The following METTL15 variants were observed in gnomAD, a reference collection of about 807,000 sequenced individuals.
METTL15 encodes methyltransferase 15, mitochondrial 12S rRNA N4-cytidine, also known as 12S rRNA N(4)-cytidine methyltransferase METTL15.
In METTL15, 34 loss-of-function variants were observed where a neutral mutation model predicts 38.3. That is an observed-to-expected ratio of 0.89 (90% CI 0.68 to 1.18). METTL15 has a LOEUF of 1.18. Ranked by LOEUF, METTL15 falls within the 50% of genes most tolerant of loss-of-function variation. The probability of loss-of-function intolerance (pLI) is 0.00; values close to 1 mark genes in which losing one functional copy is unlikely to be tolerated. For synonymous variants in METTL15, 162 were observed against 170.9 expected (o/e 0.95, Z 0.41); for missense variants, 438 against 498.4 (o/e 0.88, Z 1.15).
At chr11:28,361,087 C>T (rs1003591996) in intron 4 of METTL15, among the ~76,000 whole-genome samples, 2 of 151,542 alleles carry the variant, frequency 1.3e-5, no homozygotes, top group African/African-American at 4.9e-5. Flanking sequence ...GGTTCCAAGT[C>T]TTTGCTGTTG....
At chr11:28,461,477 A>C (rs1328834294) in intron 6 of METTL15, among the ~76,000 whole-genome samples, 1 of 151,956 alleles carries the variant, frequency 6.6e-6, no homozygotes, top group East Asian at 1.9e-4. Context: ...CTTCTTCCAC[A>C]TGGTCTCAAG....
chr11:28,316,956 G>A (rs902475218), intron 6 of METTL15, among the ~76,000 whole-genome samples: 46 of 152,118 alleles, frequency 3.0e-4, no homozygotes, highest in Admixed American at 2.6e-3. Context: ...ACTCGGGTAC[G>A]TCTTTATCAG....
intron 3 of METTL15, among the ~76,000 whole-genome samples, chr11:28,131,724 G>C (rs1353247030): frequency 6.6e-6 from 1 of 152,054 alleles, no homozygotes; most frequent in African/African-American, 2.4e-5. Flanking sequence ...TGTTCAAATT[G>C]ATAAAGTTTT....
intron 5 of METTL15, among the ~76,000 whole-genome samples, chr11:28,413,592 TC>T (rs1487466380): frequency 6.6e-6 from 1 of 152,164 alleles, no homozygotes; most frequent in Non-Finnish European, 1.5e-5. Flanking sequence ...CTGCCCCTTT[TC>T]TTCTGACTCT....
rs368246184 is a variant in METTL15, at chr11:28,211,307, TA to T, written c.407+112del. 277 of 965,580 alleles carry T rather than the reference TA, an allele frequency of 2.9e-4. 2 individuals are homozygous for T. The African/African-American group carries it at 4.4e-3, about 15-fold the overall frequency. 59.8% of individuals were successfully genotyped at this position (965,580 alleles called of 1,614,324 possible). A position where few individuals can be genotyped will look rare whatever the true frequency, so the allele number is the denominator to read the frequency against. On this transcript the variant is annotated intron_variant, in intron 4 of 6. Coordinates refer to ENST00000407364, the MANE Select transcript of METTL15 (RefSeq NM_001113528.2). Reference sequence around the variant, plus strand: ...TTGCATGGGCTATATTTTACTCCAGTAAATATTTTCTTCTTTTTTCCCCAAA... The same window carrying T: ...TTGCATGGGCTATATTTTACTCCAGTAATATTTTCTTCTTTTTTCCCCAAA...
At chr11:28,175,892 A>T (rs1179999525) in intron 3 of METTL15, among the ~76,000 whole-genome samples, 3 of 151,928 alleles carry the variant, frequency 2.0e-5, no homozygotes, top group Non-Finnish European at 4.4e-5. Flanking sequence ...GGTGTAAGAG[A>T]TAGAAAATAA....
intron 5 of METTL15, among the ~76,000 whole-genome samples, chr11:28,377,807 T>TTCA (rs1850334379): frequency 8.4e-6 from 1 of 118,982 alleles, no homozygotes; most frequent in Admixed American, 9.7e-5. Context: ...CTTTTGGTCT[T>TTCA]TGATGATGAA....
intron 4 of METTL15, among the ~76,000 whole-genome samples, chr11:28,242,163 G>A (rs1189563500): frequency 6.6e-6 from 1 of 152,122 alleles, no homozygotes; most frequent in Non-Finnish European, 1.5e-5. Context: ...TTGTATAGAA[G>A]AAGTATACAT....
chr11:28,354,513 T>C (rs530680216), intron 4 of METTL15, among the ~76,000 whole-genome samples: 2 of 152,346 alleles, frequency 1.3e-5, no homozygotes, highest in African/African-American at 4.8e-5. Context: ...GATTCTATTC[T>C]GTTATTAGTC....
At chr11:28,517,657 C>G (rs1158222424) in intron 6 of METTL15, among the ~76,000 whole-genome samples, 1 of 152,194 alleles carries the variant, frequency 6.6e-6, no homozygotes, top group Non-Finnish European at 1.5e-5. Context: ...TGCCTTATTT[C>G]TATATTTCAC....
At chr11:28,479,802 A>G in intron 6 of METTL15, among the ~76,000 whole-genome samples, 1 of 152,242 alleles carries the variant, frequency 6.6e-6, no homozygotes, top group East Asian at 1.9e-4. Flanking sequence ...GTACATGTTT[A>G]TAAGTTTATT....
intron 6 of METTL15, among the ~76,000 whole-genome samples, chr11:28,428,043 T>C (rs1217446261): frequency 6.6e-6 from 1 of 152,224 alleles, no homozygotes; most frequent in African/African-American, 2.4e-5. Flanking sequence ...GGCCTTGACT[T>C]TCTTTCTATT....
At chr11:28,431,790 TAAAAAAAAAAAAAA>T (rs869087503) in intron 6 of METTL15, among the ~76,000 whole-genome samples, 1 of 71,496 alleles carries the variant, frequency 1.4e-5, no homozygotes, top group East Asian at 4.0e-4. Flanking sequence ...AAAATAAATT[TAAAAAAAAAAAAAA>T]AAAGAAAAAA....
chr11:28,260,160 A>G (rs1285274938), intron 4 of METTL15, among the ~76,000 whole-genome samples: 4 of 152,216 alleles, frequency 2.6e-5, no homozygotes, highest in African/African-American at 9.6e-5. Flanking sequence ...TGTTCCAAAC[A>G]TACTGTCCTT....
chr11:28,444,798 C>T (rs930345597), intron 6 of METTL15, among the ~76,000 whole-genome samples: 1 of 152,188 alleles, frequency 6.6e-6, no homozygotes, highest in Non-Finnish European at 1.5e-5. Flanking sequence ...TTTACATTCT[C>T]ACCGTAGCCT....
At chr11:28,462,974 G>T (rs1851228561) in intron 6 of METTL15, among the ~76,000 whole-genome samples, 1 of 152,038 alleles carries the variant, frequency 6.6e-6, no homozygotes, top group South Asian at 2.1e-4. Context: ...TTTGTTGGGG[G>T]AATGACAAGG....
chr11:28,186,887 C>T (rs950845718), intron 3 of METTL15, among the ~76,000 whole-genome samples: 2 of 150,924 alleles, frequency 1.3e-5, no homozygotes, highest in Non-Finnish European at 3.0e-5. Flanking sequence ...AAGATATGCA[C>T]GAATGAGTTA....
chr11:28,175,707 A>G (rs1233931686), intron 3 of METTL15, among the ~76,000 whole-genome samples: 5 of 152,142 alleles, frequency 3.3e-5, no homozygotes, highest in Admixed American at 6.6e-5. Flanking sequence ...CTCTTCCCCT[A>G]TTAAATCACC....
downstream of METTL15, among the ~76,000 whole-genome samples, chr11:28,530,705 AT>A (rs1178740620): frequency 3.3e-5 from 5 of 151,750 alleles, no homozygotes; most frequent in East Asian, 1.9e-4. Context: ...GAGATTTAGA[AT>A]TTTTTTTTCT....
Sources: gnomAD v4.1 joint callset for allele counts (sites outside exome capture counted in the v4.1 genomes callset) on GRCh38, gnomAD v4.1.1 for gene constraint, MANE v1.5 for transcripts, NCBI Gene and HGNC (gene_info 2026-07-23, HGNC 2026-07-21) for gene names.